The following SYNJ2 variants were observed in gnomAD, a reference collection of about 807,000 sequenced individuals.
SYNJ2 encodes synaptojanin 2.
In SYNJ2, 116 loss-of-function variants were observed where a neutral mutation model predicts 141.3. The ratio of observed to expected loss-of-function variants is 0.82; its 90% CI spans 0.71 to 0.96. The LOEUF (loss-of-function observed/expected upper bound fraction) is 0.96, where lower values mean the gene tolerates loss of function less well. Among genes scored for constraint, SYNJ2 ranks in the 40% least tolerant of loss-of-function variants. The pLI, the probability that SYNJ2 is intolerant of heterozygous loss-of-function variation, is 0.00. For missense variants in SYNJ2, 1,873 were observed against 1,934.8 expected (o/e 0.97, Z 0.60); for synonymous variants, 745 against 777.7 (o/e 0.96, Z 0.70).
chr6:158,012,266 C>T (rs1778295691), intron 1 of SYNJ2, among the ~76,000 whole-genome samples: 1 of 152,224 alleles, frequency 6.6e-6, no homozygotes, highest in Non-Finnish European at 1.5e-5. Context: ...CCTTCCCAGG[C>T]TGTGAATGTG....
At position 158,043,385 on chromosome 6, in the gene SYNJ2, C is replaced by G. The variant is rs745596768; in HGVS notation, c.781C>G (p.Gln261Glu). ...IRGSVPLFWE[Q>E]PGLQVGSHHL... Reference sequence around the variant, plus strand: ...AGGCTCCGTTCCGCTGTTCTGGGAACAGCCAGGGCTTCAGGTAGGTCATGA... The same window carrying G: ...AGGCTCCGTTCCGCTGTTCTGGGAAGAGCCAGGGCTTCAGGTAGGTCATGA... Residue 261 changes from glutamine (Q) to glutamate (E), a missense_variant, in exon 5 of 27, where the codon CAG becomes GAG. Physicochemically the swap from Gln to Glu is conservative, Grantham distance 29. Coordinates refer to ENST00000355585, the MANE Select transcript of SYNJ2 (RefSeq NM_003898.4). The surrounding 1 kb of genome is among the most constrained non-coding windows in gnomAD (Gnocchi z 4.0). The G allele has an allele frequency of 1.9e-6, 3 of 1,613,982 alleles. No individual in the cohort carries two copies. The South Asian group carries it at 3.3e-5, about 18-fold the overall frequency.
chr6:158,029,790 A>G (rs56047629), intron 3 of SYNJ2, among the ~76,000 whole-genome samples: 3,062 of 152,216 alleles, frequency 0.02, 91 homozygotes, highest in African/African-American at 0.069. Context: ...TCTGCTGGTA[A>G]TAACTCATCA....
At chr6:157,990,410 C>A (rs1263034034) in intron 1 of SYNJ2, among the ~76,000 whole-genome samples, 1 of 152,220 alleles carries the variant, frequency 6.6e-6, no homozygotes, top group Non-Finnish European at 1.5e-5. Flanking sequence ...AGCCCACACA[C>A]CCCCTGAGGA....
chr6:158,046,329 C>A (rs574470849), intron 5 of SYNJ2, among the ~76,000 whole-genome samples: 1 of 152,182 alleles, frequency 6.6e-6, no homozygotes, highest in Admixed American at 6.5e-5. Context: ...GGGCCTAATA[C>A]CTGTGTTTAG....
At chr6:158,081,576 C>A in intron 20 of SYNJ2, 66 bp downstream of exon 20, 3 of 757,230 alleles carry the variant, frequency 4.0e-6, no homozygotes, top group Non-Finnish European at 6.6e-6. Context: ...GTGGGCATGT[C>A]TTCTTCCTCC....
Position 158,092,991 on chromosome 6 carries a change from C to G in SYNJ2, c.3631C>G (p.Pro1211Ala), listed in dbSNP as rs558068783. 1.9e-6 allele frequency: 3 copies of G among 1,613,070 alleles called. No homozygotes were observed. The highest frequency in any genetic ancestry group is 1.1e-5 in the South Asian group (1 of 90,986). The stretch of plus-strand genomic sequence containing the variant: ...CCTTGAAGCATCCTCTGAACCAGAG[C>G]CCACACCGGGGGCAGCCAAACCAGA... ...RDLEASSEPEPTPGAAKPETP... is the reference protein window; with the variant it reads ...RDLEASSEPEATPGAAKPETP... The change falls in exon 26 of 27, where the codon CCC becomes GCC. Residue 1211 changes from proline to alanine, a missense_variant. Pro to Ala is a conservative substitution (Grantham distance 27). Coordinates refer to ENST00000355585, the MANE Select transcript of SYNJ2 (RefSeq NM_003898.4).
rs1783893913 is a variant in SYNJ2, at chr6:158,098,363, C to G, written c.*1999C>G. 2.0e-5 allele frequency: 3 copies of G among 152,094 alleles called. No individual in the cohort carries two copies. Among genetic ancestry groups the G allele is most frequent in the Admixed American group, 2.0e-4 (3 of 15,246 alleles). The allele number at this position is 152,094 out of a possible 1,614,324, so 9.4% of individuals were successfully genotyped here. ...CATCTCCTAAGTAGCTCTTCAGAGT[C>G]TGACCGTAAGTAAAAACACACAGAA... On this transcript the variant is annotated 3_prime_UTR_variant, in exon 27 of 27. Transcript: ENST00000355585.
At chr6:158,005,157 A>C (rs1274471614) in intron 1 of SYNJ2, among the ~76,000 whole-genome samples, 3 of 149,650 alleles carry the variant, frequency 2.0e-5, no homozygotes, top group African/African-American at 7.4e-5. Context: ...GGCTCACTGC[A>C]AGCTCCGCCT....
chr6:157,987,480 T>C (rs533025667), intron 1 of SYNJ2, among the ~76,000 whole-genome samples: 14 of 151,482 alleles, frequency 9.2e-5, no homozygotes, highest in African/African-American at 3.1e-4. Flanking sequence ...CGGCTCACTG[T>C]AACCTCCGCC....
At chr6:158,016,695 C>T (rs1422498216) in intron 1 of SYNJ2, among the ~76,000 whole-genome samples, 1 of 152,116 alleles carries the variant, frequency 6.6e-6, no homozygotes, top group South Asian at 2.1e-4. Flanking sequence ...CATGGACAAT[C>T]ACTGCCAAAG....
At chr6:158,033,812 A>C (rs2128338963) in intron 4 of SYNJ2, 132 bp downstream of exon 4, 1 of 849,596 alleles carries the variant, frequency 1.2e-6, no homozygotes, top group East Asian at 2.7e-5. Context: ...TCCTCCTATA[A>C]GTGGAGAACA....
chr6:158,017,537 C>G (rs1420203254), intron 2 of SYNJ2: 2 of 505,960 alleles, frequency 4.0e-6, no homozygotes, highest in Non-Finnish European at 7.0e-6. Flanking sequence ...GCCTCAGCCT[C>G]CTGAATAGCT....
intron 18 of SYNJ2, among the ~76,000 whole-genome samples, chr6:158,079,593 A>G (rs959410308): frequency 4.6e-5 from 7 of 151,542 alleles, no homozygotes; most frequent in African/African-American, 9.7e-5. Flanking sequence ...CTGGTCTCCA[A>G]CTCCTGGCCT....
At chr6:158,011,517 T>C (rs932028187) in intron 1 of SYNJ2, among the ~76,000 whole-genome samples, 3 of 152,190 alleles carry the variant, frequency 2.0e-5, no homozygotes, top group Non-Finnish European at 4.4e-5. Context: ...ATTGACAGTA[T>C]TGGAATGGGA....
chr6:158,088,663 G>A lies in SYNJ2; in HGVS notation c.3347G>A (p.Gly1116Asp), dbSNP rs769945195. 8 of 1,613,656 alleles carry A rather than the reference G, an allele frequency of 5.0e-6. No homozygotes were observed. Among genetic ancestry groups the A allele is most frequent in the Non-Finnish European group, 5.9e-6 (7 of 1,179,672 alleles). Reference protein sequence around the residue: ...QPPQRPPPPTGLMVKKSASDA... With the variant: ...QPPQRPPPPTDLMVKKSASDA... ...CTGCCCTCGTTGGTTTTTACAGCCG[G>A]TTTAATGGTGAAAAAGTCGGCTTCA... The change falls in exon 24 of 27, where the codon GGT (glycine) becomes GAT (aspartate). Residue 1116 changes from glycine (G) to aspartate (D), a missense_variant. Physicochemically the swap from Gly to Asp is moderately conservative, Grantham distance 94. Transcript: ENST00000355585.
rs976252428 is a variant in SYNJ2, at chr6:158,076,928, T to G, written c.2449+146T>G. On this transcript the variant is annotated intron_variant, in intron 17 of 26. Transcript: ENST00000355585. ...ATGACACAAAAGTCATCCCAGACCT[T>G]AACCCCTAAGCTTTGGAAGTTGTGC... 1.8e-5 allele frequency: 18 copies of G among 1,017,764 alleles called. No individual in the cohort carries two copies. The South Asian group carries it at 3.3e-4, about 18-fold the overall frequency. The allele number at this position is 1,017,764 out of a possible 1,614,324, so 63.0% of individuals were successfully genotyped here.
At chr6:158,018,795 C>T (rs992421082) in intron 2 of SYNJ2, among the ~76,000 whole-genome samples, 2 of 152,220 alleles carry the variant, frequency 1.3e-5, no homozygotes, top group African/African-American at 4.8e-5. Flanking sequence ...AAGTAACTTG[C>T]CTTAGGTCAG....
chr6:158,073,772 G>A (rs908776395), intron 15 of SYNJ2, among the ~76,000 whole-genome samples: 4 of 152,098 alleles, frequency 2.6e-5, no homozygotes, highest in African/African-American at 9.7e-5. Context: ...GTCATGGGGG[G>A]AGTGGAAATG....
intron 1 of SYNJ2, among the ~76,000 whole-genome samples, chr6:158,016,239 G>A (rs981718438): frequency 2.0e-5 from 3 of 152,128 alleles, no homozygotes; most frequent in Non-Finnish European, 4.4e-5. Flanking sequence ...TCAGCCTCCC[G>A]AGTAGCTGGG....
Sources: gnomAD v4.1 joint callset for allele counts (sites outside exome capture counted in the v4.1 genomes callset) on GRCh38, gnomAD v4.1.1 for gene constraint, Gnocchi (gnomAD v3.1) non-coding constraint, MANE v1.5 for transcripts, NCBI Gene and HGNC (gene_info 2026-07-23, HGNC 2026-07-21) for gene names.